Variants in PDE1A observed in about 807,000 individuals in gnomAD.
PDE1A encodes dual specificity calcium/calmodulin-dependent 3',5'-cyclic nucleotide phosphodiesterase 1A.
Under a neutral mutation model 61.7 loss-of-function variants are expected in PDE1A, and 35 were observed. The observed-to-expected ratio is 0.57, with a 90% CI of 0.43 to 0.75. The LOEUF (loss-of-function observed/expected upper bound fraction) is 0.75, where lower values mean the gene tolerates loss of function less well. PDE1A is among the 30% of genes least tolerant of loss of function. The pLI is 0.00. For missense variants in PDE1A, 597 were observed against 630.6 expected, an observed-to-expected ratio of 0.95 and a Z score of 0.57; for synonymous variants, 232 against 213.2, an observed-to-expected ratio of 1.09 and a Z score of -0.77.
the PDE1A span, among the ~76,000 whole-genome samples, chr2:182,643,844 A>G: frequency 6.6e-6 from 1 of 152,114 alleles, no homozygotes; most frequent in African/African-American, 2.4e-5. Flanking sequence ...AATATGAGAA[A>G]ATAATATATT....
At chr2:182,502,472 G>A (rs145453557) in intron 2 of PDE1A, among the ~76,000 whole-genome samples, 1,962 of 152,160 alleles carry the variant, frequency 0.013, 20 homozygotes, top group Middle Eastern at 0.034. Context: ...CTCCCTGAAC[G>A]TTCTCATTGA....
At chr2:182,478,014 G>A (rs1411175343) in intron 2 of PDE1A, among the ~76,000 whole-genome samples, 1 of 151,856 alleles carries the variant, frequency 6.6e-6, no homozygotes, top group East Asian at 1.9e-4. Context: ...AAGGACAGCT[G>A]CATGTCAACA....
At chr2:182,423,929 A>C (rs985929382) in intron 1 of PDE1A, among the ~76,000 whole-genome samples, 4 of 151,522 alleles carry the variant, frequency 2.6e-5, no homozygotes, top group African/African-American at 9.7e-5. Context: ...ATTTCAAAAA[A>C]AAAAATCCTG....
chr2:182,477,481 C>A (rs542537504), intron 2 of PDE1A, among the ~76,000 whole-genome samples: 8 of 151,908 alleles, frequency 5.3e-5, no homozygotes, highest in South Asian at 2.1e-4. Flanking sequence ...CCTTGAGTCA[C>A]GTAGTGAATG....
chr2:182,477,637 C>T (rs1304774560), intron 2 of PDE1A, among the ~76,000 whole-genome samples: 3 of 151,912 alleles, frequency 2.0e-5, no homozygotes, highest in African/African-American at 7.2e-5. Context: ...TTGTTTGAAA[C>T]TGCACACAAA....
chr2:182,249,668 C>T (rs1988750), intron 2 of PDE1A, among the ~76,000 whole-genome samples: 107,401 of 151,540 alleles, frequency 0.71, 38,706 homozygotes, highest in African/African-American at 0.84. Context: ...TTAGTATTAT[C>T]TCTTTGATTA....
intron 11 of PDE1A, among the ~76,000 whole-genome samples, chr2:182,187,737 C>CTTTTTTTTTTTTTTTTTTTTTTTT (rs1038970569): frequency 1.5e-5 from 1 of 66,382 alleles, no homozygotes; most frequent in Non-Finnish European, 2.6e-5. Flanking sequence ...TTTTTTTGTT[C>CTTTTTTTTTTTTTTTTTTTTTTTT]TTTTTTTTTT....
At position 182,478,649 on chromosome 2, in the gene PDE1A, T is replaced by G. The variant is rs555484342; in HGVS notation, c.101+43627A>C. On this transcript the variant is annotated intron_variant, in intron 2 of 14. Coordinates refer to the PDE1A transcript ENST00000410103. ...AAGTCAAACATAGTACCTGGACTGA[T>G]CATGTCTGGATATCACTGCCAATAC... Among the ~76,000 whole-genome samples, 8 of 152,048 alleles carry G rather than the reference T, an allele frequency of 5.3e-5. No individual in the cohort carries two copies. The South Asian group carries it at 1.7e-3, about 31-fold the overall frequency.
chr2:182,512,772 A>G (rs949645593), intron 2 of PDE1A, among the ~76,000 whole-genome samples: 1 of 152,240 alleles, frequency 6.6e-6, no homozygotes, highest in African/African-American at 2.4e-5. Context: ...GTTCTGATAG[A>G]GCTGAAAAAC....
At chr2:182,441,278 A>T (rs923136058) in intron 2 of PDE1A, among the ~76,000 whole-genome samples, 1 of 152,068 alleles carries the variant, frequency 6.6e-6, no homozygotes, top group Admixed American at 6.6e-5. Flanking sequence ...TCAAGGTGAG[A>T]TTTGGGTGGG....
chr2:182,604,689 T>C, the PDE1A span, among the ~76,000 whole-genome samples: 1 of 152,212 alleles, frequency 6.6e-6, no homozygotes, highest in Non-Finnish European at 1.5e-5. Flanking sequence ...TCTGCATTTG[T>C]TGCTAATTGA....
intron 1 of PDE1A, among the ~76,000 whole-genome samples, chr2:182,346,862 A>G (rs1447280695): frequency 6.6e-6 from 1 of 152,174 alleles, no homozygotes. Context: ...TTGAGCTCAT[A>G]CCTGTCTACA....
chr2:182,164,684 G>C (rs1429537531), downstream of PDE1A, among the ~76,000 whole-genome samples: 3 of 152,038 alleles, frequency 2.0e-5, no homozygotes, highest in Non-Finnish European at 4.4e-5. Flanking sequence ...GAGTGATCTG[G>C]CTACTGCCTC....
At chr2:182,539,681 T>C in the PDE1A span, among the ~76,000 whole-genome samples, 6 of 152,276 alleles carry the variant, frequency 3.9e-5, no homozygotes, top group South Asian at 2.1e-4. Flanking sequence ...TCCACTACTG[T>C]ACATGTTATA....
intron 2 of PDE1A, among the ~76,000 whole-genome samples, chr2:182,478,347 G>GA (rs34019486): frequency 0.08 from 11,816 of 148,260 alleles, 1,462 homozygotes; most frequent in African/African-American, 0.27. Context: ...CTGCTATGCA[G>GA]AAAAAAAAAA....
At chr2:182,493,153 G>T in intron 2 of PDE1A, among the ~76,000 whole-genome samples, 1 of 151,594 alleles carries the variant, frequency 6.6e-6, no homozygotes, top group Non-Finnish European at 1.5e-5. Context: ...ATTAGTCAAA[G>T]CATGCCTTGC....
chr2:182,710,648 G>A, the PDE1A span, among the ~76,000 whole-genome samples: 1 of 152,162 alleles, frequency 6.6e-6, no homozygotes, highest in Non-Finnish European at 1.5e-5. Context: ...TGTATGTAAT[G>A]TCTTCCACAT....
At chr2:182,454,400 C>A (rs1444272197) in intron 2 of PDE1A, among the ~76,000 whole-genome samples, 1 of 152,094 alleles carries the variant, frequency 6.6e-6, no homozygotes, top group Non-Finnish European at 1.5e-5. Context: ...CCTTTCTTCA[C>A]AGAATTGGAA....
At chr2:182,236,580 C>A (rs1690037485) in intron 3 of PDE1A, among the ~76,000 whole-genome samples, 1 of 152,190 alleles carries the variant, frequency 6.6e-6, no homozygotes, top group South Asian at 2.1e-4. Context: ...CCACTCACTG[C>A]TGTGTGACCT....
Sources: gnomAD v4.1 joint callset for allele counts (sites outside exome capture counted in the v4.1 genomes callset) on GRCh38, gnomAD v4.1.1 for gene constraint, MANE v1.5 for transcripts, NCBI Gene and HGNC (gene_info 2026-07-23, HGNC 2026-07-21) for gene names.